Variants in ABI1 observed in about 807,000 individuals in gnomAD.
ABI1 encodes abl interactor 1.
In ABI1, 14 loss-of-function variants were observed where a neutral mutation model predicts 54.6. The observed-to-expected ratio is 0.26, with a 90% CI of 0.17 to 0.40. The LOEUF (loss-of-function observed/expected upper bound fraction) is 0.40, where lower values mean the gene tolerates loss of function less well. ABI1 is among the 10% of genes least tolerant of loss of function. ABI1 has a pLI of 1.00. For synonymous variants in ABI1, 194 were observed against 209.3 expected, an observed-to-expected ratio of 0.93 and a Z score of 0.63; for missense variants, 443 against 598.3, an observed-to-expected ratio of 0.74 and a Z score of 2.71.
chr10:26,845,220 C>A (rs543494739), intron 1 of ABI1, among the ~76,000 whole-genome samples: 16 of 151,644 alleles, frequency 1.1e-4, no homozygotes, highest in Admixed American at 5.3e-4. Flanking sequence ...AAAATCAAAA[C>A]CCTTTCAAAA....
At chr10:26,827,179 C>T (rs1223128340) in intron 1 of ABI1, among the ~76,000 whole-genome samples, 1 of 151,962 alleles carries the variant, frequency 6.6e-6, no homozygotes, top group Non-Finnish European at 1.5e-5. Context: ...TCCCAAAGTG[C>T]AAGGATTACA....
chr10:26,748,440 A>G lies in ABI1; in HGVS notation c.*130T>C. On this transcript the variant is annotated 3_prime_UTR_variant, in exon 11 of 11. Transcript: ENST00000376140. ...ATTTATGCTTACAGGTAGACATTCA[A>G]TTTACCAATAAAACAGCATGTTCTG... 2.9e-6 allele frequency: 2 copies of G among 681,766 alleles called. No homozygotes were observed. Among genetic ancestry groups the G allele is most frequent in the Non-Finnish European group, 4.6e-6 (2 of 434,228 alleles). 42.2% of individuals were successfully genotyped at this position (681,766 alleles called of 1,614,324 possible).
intron 1 of ABI1, among the ~76,000 whole-genome samples, chr10:26,835,173 C>T (rs1276420394): frequency 6.7e-6 from 1 of 149,432 alleles, no homozygotes; most frequent in African/African-American, 2.5e-5. Context: ...AAAAGACAGG[C>T]AATAAAAGAT....
intron 2 of ABI1, among the ~76,000 whole-genome samples, chr10:26,818,631 C>CAAAAAAAAAAAAAAAAAAAA (rs376157276): frequency 9.6e-5 from 7 of 73,084 alleles, no homozygotes; most frequent in African/African-American, 3.9e-4. Context: ...GACCCCGTCA[C>CAAAAAAAAAAAAAAAAAAAA]AAAAAAAAAA....
chr10:26,762,766 G>A (rs1187616736), intron 7 of ABI1, among the ~76,000 whole-genome samples: 1 of 152,188 alleles, frequency 6.6e-6, no homozygotes, highest in Admixed American at 6.5e-5. Context: ...AAGGATCTTG[G>A]TAATCCTCAG....
At chr10:26,754,948 C>CG (rs1838113393) in intron 9 of ABI1, among the ~76,000 whole-genome samples, 1 of 146,702 alleles carries the variant, frequency 6.8e-6, no homozygotes, top group Non-Finnish European at 1.5e-5. Flanking sequence ...CTTCTCCCCC[C>CG]CCACAAAAAA....
Position 26,771,107 on chromosome 10 carries a change from A to AG in ABI1, c.463-19_463-18insC. The stretch of plus-strand genomic sequence containing the variant: ...TTTAGCCACTTTACGTTGGCAAAAA[A>AG]AGGGGGGGAAAAAGTAGACATTAAT... On this transcript the variant is annotated intron_variant, in intron 3 of 10. Coordinates refer to ENST00000376140, the MANE Select transcript of ABI1 (RefSeq NM_001012750.3). The AG allele has an allele frequency of 6.2e-7, 1 of 1,613,510 alleles. No individual in the cohort carries two copies. Among genetic ancestry groups the AG allele is most frequent in the Non-Finnish European group, 8.5e-7 (1 of 1,179,612 alleles).
intron 1 of ABI1, among the ~76,000 whole-genome samples, chr10:26,836,974 C>G (rs951933685): frequency 1.3e-5 from 2 of 152,158 alleles, no homozygotes; most frequent in Non-Finnish European, 2.9e-5. Flanking sequence ...GACAAAAGAT[C>G]TACTAAAGTA....
chr10:26,817,975 G>C (rs146077169), intron 2 of ABI1, among the ~76,000 whole-genome samples: 370 of 151,028 alleles, frequency 2.4e-3, no homozygotes, highest in African/African-American at 7.4e-3. Context: ...GGCCAGCATG[G>C]TGAAATCCCA....
At chr10:26,848,510 A>G (rs1210463831) in intron 1 of ABI1, among the ~76,000 whole-genome samples, 1 of 152,154 alleles carries the variant, frequency 6.6e-6, no homozygotes, top group African/African-American at 2.4e-5. Flanking sequence ...AATCAGTTTC[A>G]AAATCAGTAC....
At chr10:26,833,387 A>T (rs10829078) in intron 1 of ABI1, among the ~76,000 whole-genome samples, 39,864 of 152,048 alleles carry the variant, frequency 0.26, 6,019 homozygotes, top group South Asian at 0.44. Flanking sequence ...TGAAATTTTA[A>T]GTTTTACCAC....
At chr10:26,812,949 T>G (rs1343299625) in intron 2 of ABI1, among the ~76,000 whole-genome samples, 1 of 152,066 alleles carries the variant, frequency 6.6e-6, no homozygotes, top group Admixed American at 6.6e-5. Flanking sequence ...CCATGCTTGA[T>G]GTTAAAATTC....
intron 2 of ABI1, among the ~76,000 whole-genome samples, chr10:26,817,336 T>C (rs1057356920): frequency 6.6e-6 from 1 of 152,084 alleles, no homozygotes; most frequent in Non-Finnish European, 1.5e-5. Context: ...AACCAGTCAT[T>C]TGCCAGACAT....
chr10:26,826,977 A>C (rs2048341458), intron 1 of ABI1, among the ~76,000 whole-genome samples: 1 of 150,314 alleles, frequency 6.7e-6, no homozygotes, highest in Non-Finnish European at 1.5e-5. Context: ...GCAGTGGCAC[A>C]ATCTTGGCTT....
Position 26,748,448 on chromosome 10 carries a change from A to G in ABI1, c.*122T>C, listed in dbSNP as rs1837182335. On this transcript the variant is annotated 3_prime_UTR_variant, in exon 11 of 11. Transcript: ENST00000376140. ...TTACAGGTAGACATTCAATTTACCAATAAAACAGCATGTTCTGAAAATATG... is the reference window on the plus strand; with the variant it reads ...TTACAGGTAGACATTCAATTTACCAGTAAAACAGCATGTTCTGAAAATATG... 2 of 734,282 alleles carry G rather than the reference A, an allele frequency of 2.7e-6. No homozygotes were observed. Among genetic ancestry groups the G allele is most frequent in the Non-Finnish European group, 4.2e-6 (2 of 481,178 alleles). The allele number at this position is 734,282 out of a possible 1,614,324, so 45.5% of individuals were successfully genotyped here. A position where few individuals can be genotyped will look rare whatever the true frequency, so the allele number is the denominator to read the frequency against.
rs1836957329 is a variant in ABI1, at chr10:26,746,693, A to AAATT, written c.*1873_*1876dup. On this transcript the variant is annotated 3_prime_UTR_variant, in exon 11 of 11. Transcript: ENST00000376140. ...CCTGAATCTGTCATTCTAGTCCTAT[A>AAATT]AATTATAATCAAGGTATCTTGATGG... 2 of 534,416 alleles carry AAATT rather than the reference A, an allele frequency of 3.7e-6. No individual in the cohort carries two copies. Among genetic ancestry groups the AAATT allele is most frequent in the African/African-American group, 1.9e-5 (1 of 52,874 alleles). The allele number at this position is 534,416 out of a possible 1,614,324, so 33.1% of individuals were successfully genotyped here.
At chr10:26,819,961 AG>A (rs1371187229) in intron 2 of ABI1, among the ~76,000 whole-genome samples, 1 of 152,190 alleles carries the variant, frequency 6.6e-6, no homozygotes, top group African/African-American at 2.4e-5. Flanking sequence ...TCCCTTTTTC[AG>A]ATGTGGAATC....
intron 2 of ABI1, among the ~76,000 whole-genome samples, chr10:26,807,246 G>A (rs2046933686): frequency 6.6e-6 from 1 of 152,160 alleles, no homozygotes; most frequent in African/African-American, 2.4e-5. Flanking sequence ...GGCAGAAGGT[G>A]GTGGATCGCT....
chr10:26,818,774 G>A (rs903916402), intron 2 of ABI1, among the ~76,000 whole-genome samples: 13 of 152,010 alleles, frequency 8.6e-5, no homozygotes, highest in South Asian at 2.1e-4. Flanking sequence ...GGTGGATCAC[G>A]AGGTCAGGGG....
Sources: allele counts gnomAD v4.1 joint callset (sites outside exome capture counted in the v4.1 genomes callset), GRCh38; gene constraint gnomAD v4.1.1; transcripts MANE v1.5; gene names NCBI Gene and HGNC (gene_info 2026-07-23, HGNC 2026-07-21).